The following MYO16 variants were observed in gnomAD, a reference collection of about 807,000 sequenced individuals.
The protein encoded by MYO16 is unconventional myosin-XVI.
Under a neutral mutation model 205.3 loss-of-function variants are expected in MYO16, and 94 were observed. That is an observed-to-expected ratio of 0.46 (90% CI 0.39 to 0.54). The LOEUF (loss-of-function observed/expected upper bound fraction) is 0.54, where lower values mean the gene tolerates loss of function less well. Ranked by LOEUF, MYO16 falls within the 20% of genes least tolerant of loss-of-function variation. The probability of loss-of-function intolerance (pLI) is 0.00; values close to 1 mark genes in which losing one functional copy is unlikely to be tolerated. For synonymous variants in MYO16, 988 were observed against 954.0 expected (o/e 1.04, Z -0.66); for missense variants, 2,315 against 2,387.5 (o/e 0.97, Z 0.63).
chr13:108,728,260 A>T (rs941036005), intron 4 of MYO16, among the ~76,000 whole-genome samples: 3 of 152,168 alleles, frequency 2.0e-5, no homozygotes, highest in Non-Finnish European at 2.9e-5. Flanking sequence ...GGATTTTCAC[A>T]TTTTTTTATG....
chr13:109,196,209 G>A (rs774055186), intron 34 of MYO16, among the ~76,000 whole-genome samples: 1 of 152,186 alleles, frequency 6.6e-6, no homozygotes, highest in Non-Finnish European at 1.5e-5. Flanking sequence ...GAAATGGAAA[G>A]TAGATTCATG....
At chr13:108,665,825 G>A in intron 1 of MYO16, 61 bp from the exon 2 acceptor site, 3 of 1,509,552 alleles carry the variant, frequency 2.0e-6, no homozygotes, top group Non-Finnish European at 2.7e-6. Flanking sequence ...GTGTGCTGTG[G>A]TGCACACTTA....
chr13:108,989,234 C>G (rs888422735), intron 20 of MYO16, among the ~76,000 whole-genome samples: 1 of 152,052 alleles, frequency 6.6e-6, no homozygotes, highest in Non-Finnish European at 1.5e-5. Context: ...TTTAAGAATA[C>G]TAAAGGTATA....
At chr13:108,549,511 A>G in the MYO16 span, among the ~76,000 whole-genome samples, 2 of 152,150 alleles carry the variant, frequency 1.3e-5, no homozygotes, top group South Asian at 4.1e-4. Context: ...TGTTTGTGAT[A>G]ATTTGTTACA....
intron 15 of MYO16, among the ~76,000 whole-genome samples, chr13:108,908,689 G>C (rs950479042): frequency 6.6e-6 from 1 of 152,090 alleles, no homozygotes; most frequent in Non-Finnish European, 1.5e-5. Flanking sequence ...AAATTGAAAT[G>C]CAGGTCTGGC....
intron 14 of MYO16, among the ~76,000 whole-genome samples, chr13:108,890,773 C>G (rs1490399570): frequency 2.0e-5 from 3 of 152,170 alleles, no homozygotes; most frequent in African/African-American, 7.2e-5. Context: ...TCTCTGTTCC[C>G]TTTACATCAA....
chr13:108,772,856 G>A (rs755608666), intron 4 of MYO16, among the ~76,000 whole-genome samples: 1 of 152,068 alleles, frequency 6.6e-6, no homozygotes, highest in Non-Finnish European at 1.5e-5. Flanking sequence ...AGGAGAGAGA[G>A]CATGAACAAA....
intron 1 of MYO16, among the ~76,000 whole-genome samples, chr13:108,641,499 A>C (rs1253941497): frequency 6.6e-6 from 1 of 152,130 alleles, no homozygotes; most frequent in Non-Finnish European, 1.5e-5. Flanking sequence ...CCAGCAACAA[A>C]TATAAGATTA....
chr13:108,535,378 G>A, the MYO16 span, among the ~76,000 whole-genome samples: 2 of 152,130 alleles, frequency 1.3e-5, no homozygotes, highest in Non-Finnish European at 2.9e-5. Flanking sequence ...ACAGCCTGGG[G>A]CTGGCATGGT....
chr13:108,640,476 T>C (rs558009350), intron 1 of MYO16, among the ~76,000 whole-genome samples: 1 of 152,240 alleles, frequency 6.6e-6, no homozygotes, highest in South Asian at 2.1e-4. Flanking sequence ...CACAGGGCAG[T>C]TGGTGGAGGA....
intron 24 of MYO16, chr13:109,048,584 G>T (rs1887130631): frequency 2.7e-6 from 1 of 372,220 alleles, no homozygotes; most frequent in Non-Finnish European, 4.9e-6. Context: ...AGTGGGCCAT[G>T]TTTGGCTCAG....
intron 16 of MYO16, among the ~76,000 whole-genome samples, chr13:108,925,182 C>T (rs1002266887): frequency 6.6e-6 from 1 of 152,036 alleles, no homozygotes; most frequent in Non-Finnish European, 1.5e-5. Flanking sequence ...CTCACTGGTC[C>T]CGGCATCTCT....
intron 32 of MYO16, among the ~76,000 whole-genome samples, chr13:109,145,855 G>C (rs1448277550): frequency 2.6e-5 from 4 of 152,180 alleles, no homozygotes; most frequent in Non-Finnish European, 4.4e-5. Context: ...CAGGAAGACA[G>C]GGTCTTGACA....
At chr13:108,677,449 C>A (rs1594201332) in intron 2 of MYO16, among the ~76,000 whole-genome samples, 1 of 149,400 alleles carries the variant, frequency 6.7e-6, no homozygotes, top group East Asian at 2.0e-4. Flanking sequence ...GGTACAGATA[C>A]ACATGTACAT....
chr13:108,630,019 C>G, intron 1 of MYO16, 147 bp downstream of exon 1: 1 of 576,824 alleles, frequency 1.7e-6, no homozygotes, highest in Non-Finnish European at 2.9e-6. Context: ...ATTTTACAGG[C>G]TGGATATATT....
chr13:108,861,340 T>C (rs1483509849), intron 11 of MYO16, among the ~76,000 whole-genome samples: 1 of 152,218 alleles, frequency 6.6e-6, no homozygotes, highest in Non-Finnish European at 1.5e-5. Context: ...AGCTATACTG[T>C]TGCTTGTAAA....
chr13:108,630,276 G>C (rs1405015664), intron 1 of MYO16, among the ~76,000 whole-genome samples: 1 of 152,098 alleles, frequency 6.6e-6, no homozygotes, highest in African/African-American at 2.4e-5. Context: ...TAGTATTTTA[G>C]TCTCAAGTTT....
chr13:108,992,512 T>C lies in MYO16; in HGVS notation c.2442+64T>C, dbSNP rs975570956. 9.1e-5 allele frequency: 95 copies of C among 1,040,008 alleles called. No homozygotes were observed. In the Admixed American group the frequency reaches 1.8e-3, roughly 20 times the overall value. The allele number at this position is 1,040,008 out of a possible 1,614,324, so 64.4% of individuals were successfully genotyped here. Reference sequence around the variant, plus strand: ...GGCTTTTGAAACTAAGTTCTTTTTTTAATTCTGTAAAGACAGTGTAACTAC... The same window carrying C: ...GGCTTTTGAAACTAAGTTCTTTTTTCAATTCTGTAAAGACAGTGTAACTAC... On this transcript the variant is annotated intron_variant, in intron 21 of 34. Coordinates refer to ENST00000457511, the MANE Select transcript of MYO16 (RefSeq NM_001198950.3).
intron 7 of MYO16, among the ~76,000 whole-genome samples, chr13:108,811,833 C>T (rs1488992962): frequency 2.0e-5 from 3 of 152,160 alleles, no homozygotes; most frequent in African/African-American, 7.2e-5. Flanking sequence ...AGGTTTTTAT[C>T]CCCCTCCCCC....
Sources: allele counts gnomAD v4.1 joint callset (sites outside exome capture counted in the v4.1 genomes callset), GRCh38; gene constraint gnomAD v4.1.1; transcripts MANE v1.5; gene names NCBI Gene and HGNC (gene_info 2026-07-23, HGNC 2026-07-21).